The following MAGI1 variants were observed in gnomAD, a reference collection of about 807,000 sequenced individuals.
The protein encoded by MAGI1 is membrane-associated guanylate kinase, WW and PDZ domain-containing protein 1.
Under a neutral mutation model 139.9 loss-of-function variants are expected in MAGI1, and 58 were observed. The ratio of observed to expected loss-of-function variants is 0.41; its 90% confidence interval spans 0.34 to 0.52. MAGI1 has a LOEUF of 0.52. Among genes scored for constraint, MAGI1 ranks in the 20% least tolerant of loss-of-function variants. The pLI is 0.12. For missense variants in MAGI1, 1,874 were observed against 1,901.6 expected (o/e 0.99, Z 0.27); for synonymous variants, 812 against 737.9 (o/e 1.10, Z -1.63).
chr3:65,865,645 T>G (rs72909448), intron 1 of MAGI1, among the ~76,000 whole-genome samples: 1 of 152,154 alleles, frequency 6.6e-6, no homozygotes, highest in Admixed American at 6.5e-5. Context: ...TTTTGTTTTG[T>G]TTTGTTTTGT....
chr3:65,656,548 CA>C (rs2085885720), intron 1 of MAGI1, among the ~76,000 whole-genome samples: 1 of 151,864 alleles, frequency 6.6e-6, no homozygotes. Flanking sequence ...AAGACAACAT[CA>C]AAGGAAAAAG....
chr3:65,661,902 C>G (rs2086218296), intron 1 of MAGI1, among the ~76,000 whole-genome samples: 2 of 151,906 alleles, frequency 1.3e-5, no homozygotes, highest in South Asian at 2.1e-4. Context: ...TGCCCGCCAC[C>G]ATGCCCGGCT....
chr3:65,371,760 A>G (rs1942024814), intron 18 of MAGI1: 2 of 217,578 alleles, frequency 9.2e-6, no homozygotes, highest in South Asian at 1.1e-4. Context: ...AGTTTGCAAC[A>G]TCTTTACCAG....
intron 1 of MAGI1, among the ~76,000 whole-genome samples, chr3:65,899,463 G>C (rs2108614302): frequency 6.6e-6 from 1 of 152,276 alleles, no homozygotes; most frequent in South Asian, 2.1e-4. Flanking sequence ...GGCAGGGGAG[G>C]AAATGTCAAC....
chr3:65,639,709 G>T (rs961512497), intron 1 of MAGI1, among the ~76,000 whole-genome samples: 1 of 152,016 alleles, frequency 6.6e-6, no homozygotes, highest in Non-Finnish European at 1.5e-5. Context: ...CCAAATAAAA[G>T]AATTACTTTC....
chr3:65,956,825 C>G (rs2064149715), intron 1 of MAGI1, among the ~76,000 whole-genome samples: 1 of 151,838 alleles, frequency 6.6e-6, no homozygotes, highest in Non-Finnish European at 1.5e-5. Context: ...TGATGAGACC[C>G]CATCTCTATA....
intron 5 of MAGI1, among the ~76,000 whole-genome samples, chr3:65,460,562 T>C (rs1226902629): frequency 6.6e-6 from 1 of 152,096 alleles, no homozygotes; most frequent in Non-Finnish European, 1.5e-5. Flanking sequence ...TTTAAAAAAA[T>C]TATACTTAAG....
intron 1 of MAGI1, among the ~76,000 whole-genome samples, chr3:65,926,187 G>A (rs756570360): frequency 6.6e-6 from 1 of 152,160 alleles, no homozygotes; most frequent in Non-Finnish European, 1.5e-5. Flanking sequence ...TAACCTGAAA[G>A]GAAATTTTAT....
intron 1 of MAGI1, among the ~76,000 whole-genome samples, chr3:65,986,711 A>C (rs2065899191): frequency 6.6e-6 from 1 of 152,152 alleles, no homozygotes; most frequent in Non-Finnish European, 1.5e-5. Flanking sequence ...TTTTTGCGTA[A>C]ATATTCTTTA....
At chr3:65,853,609 A>C (rs2059280018) in intron 1 of MAGI1, among the ~76,000 whole-genome samples, 1 of 152,194 alleles carries the variant, frequency 6.6e-6, no homozygotes, top group Non-Finnish European at 1.5e-5. Context: ...GGAGACAAGC[A>C]ATGAATTTCT....
chr3:65,868,695 C>T (rs2059813728), intron 1 of MAGI1, among the ~76,000 whole-genome samples: 1 of 152,160 alleles, frequency 6.6e-6, no homozygotes, highest in Non-Finnish European at 1.5e-5. Flanking sequence ...CTCAAAAAAC[C>T]ACAGGCCATT....
chr3:65,527,239 C>G (rs61465058), intron 2 of MAGI1, among the ~76,000 whole-genome samples: 3,126 of 152,262 alleles, frequency 0.021, 113 homozygotes, highest in African/African-American at 0.071. Context: ...TGGGATGCTA[C>G]CATAAGAGCA....
intron 18 of MAGI1, among the ~76,000 whole-genome samples, chr3:65,368,516 G>C (rs1360470256): frequency 2.0e-5 from 3 of 152,142 alleles, no homozygotes; most frequent in African/African-American, 4.8e-5. Flanking sequence ...ATCTATCTGT[G>C]ACAAGCAATT....
chr3:65,574,958 G>A (rs536846827), intron 2 of MAGI1, among the ~76,000 whole-genome samples: 8 of 152,050 alleles, frequency 5.3e-5, no homozygotes, highest in Admixed American at 1.3e-4. Flanking sequence ...AACTAAAACC[G>A]AAAACCATAA....
At chr3:65,816,582 G>C (rs764244262) in intron 1 of MAGI1, among the ~76,000 whole-genome samples, 2 of 151,266 alleles carry the variant, frequency 1.3e-5, no homozygotes, top group Non-Finnish European at 2.9e-5. Context: ...TGACATGACC[G>C]ATTGTCCAAA....
At chr3:65,942,505 T>A (rs991552253) in intron 1 of MAGI1, among the ~76,000 whole-genome samples, 62 of 152,308 alleles carry the variant, frequency 4.1e-4, no homozygotes, top group African/African-American at 1.4e-3. Context: ...TGATCCCGAC[T>A]CTAATATAAA....
At chr3:65,930,134 G>T (rs2062728461) in intron 1 of MAGI1, among the ~76,000 whole-genome samples, 1 of 151,188 alleles carries the variant, frequency 6.6e-6, no homozygotes. Context: ...GGCTAACACG[G>T]TGAAACCCTG....
chr3:65,859,593 C>A (rs1400815829), intron 1 of MAGI1, among the ~76,000 whole-genome samples: 2 of 151,710 alleles, frequency 1.3e-5, no homozygotes, highest in African/African-American at 4.8e-5. Flanking sequence ...CAAAAATTAG[C>A]CAGGTGAGGT....
intron 2 of MAGI1, among the ~76,000 whole-genome samples, chr3:65,547,328 A>C (rs1420493434): frequency 6.6e-6 from 1 of 152,190 alleles, no homozygotes; most frequent in East Asian, 1.9e-4. Flanking sequence ...ATCTCTATAA[A>C]GGGTATGACA....
Sources: gnomAD v4.1 joint callset for allele counts (sites outside exome capture counted in the v4.1 genomes callset) on GRCh38, gnomAD v4.1.1 for gene constraint, MANE v1.5 for transcripts, NCBI Gene and HGNC (gene_info 2026-07-23, HGNC 2026-07-21) for gene names.